The following NEBL variants were observed in gnomAD, a reference collection of about 807,000 sequenced individuals.
NEBL encodes the protein LIM and SH3 protein 2.
Under a neutral mutation model 140.2 loss-of-function variants are expected in NEBL, and 122 were observed. The observed-to-expected ratio is 0.87, with a 90% CI of 0.75 to 1.01. The LOEUF (loss-of-function observed/expected upper bound fraction) is 1.01. Ranked by LOEUF, NEBL falls within the 50% of genes least tolerant of loss-of-function variation. The pLI is 0.00. For synonymous variants in NEBL, 436 were observed against 398.9 expected (o/e 1.09, Z -1.11); for missense variants, 1,365 against 1,231.3 (o/e 1.11, Z -1.62).
At chr10:20,857,241 A>G (rs567696567) in intron 9 of NEBL, among the ~76,000 whole-genome samples, 6 of 152,254 alleles carry the variant, frequency 3.9e-5, no homozygotes, top group Non-Finnish European at 8.8e-5. Context: ...ATAAACATAC[A>G]TTTCAAAACA....
At chr10:20,873,334 A>G (rs559838020) in intron 5 of NEBL, among the ~76,000 whole-genome samples, 1 of 152,250 alleles carries the variant, frequency 6.6e-6, no homozygotes, top group Non-Finnish European at 1.5e-5. Flanking sequence ...TGTTTTGCAT[A>G]AGGACAGGGA....
intron 3 of NEBL, among the ~76,000 whole-genome samples, chr10:21,229,504 T>G (rs1452574086): frequency 6.6e-6 from 1 of 152,220 alleles, no homozygotes; most frequent in Non-Finnish European, 1.5e-5. Flanking sequence ...AATTAGTCAT[T>G]TCTCTGAATC....
chr10:21,266,258 T>C (rs150489142), intron 1 of NEBL, among the ~76,000 whole-genome samples: 4,117 of 152,052 alleles, frequency 0.027, 63 homozygotes, highest in Middle Eastern at 0.065. Context: ...TCTCCCACCT[T>C]AGCCTCCCGA....
chr10:21,165,981 G>A (rs1384986114), intron 2 of NEBL, among the ~76,000 whole-genome samples: 1 of 151,902 alleles, frequency 6.6e-6, no homozygotes, highest in Non-Finnish European at 1.5e-5. Context: ...TTTCTATTGG[G>A]AGGCCGATGT....
intron 2 of NEBL, among the ~76,000 whole-genome samples, chr10:21,169,922 A>G (rs1007680292): frequency 2.6e-5 from 4 of 152,220 alleles, no homozygotes; most frequent in African/African-American, 9.7e-5. Flanking sequence ...CCTATGAAAC[A>G]AAACAACGGG....
chr10:21,054,984 C>T (rs773307869), intron 2 of NEBL, among the ~76,000 whole-genome samples: 2 of 152,126 alleles, frequency 1.3e-5, no homozygotes, highest in Non-Finnish European at 2.9e-5. Context: ...TACTTCTGGG[C>T]AGAACTGATG....
chr10:20,944,878 C>A (rs1835079726), intron 4 of NEBL, among the ~76,000 whole-genome samples: 1 of 152,084 alleles, frequency 6.6e-6, no homozygotes, highest in Non-Finnish European at 1.5e-5. Flanking sequence ...CATAATCATA[C>A]CCGGCTCAAC....
chr10:21,063,607 G>C (rs556118336), intron 2 of NEBL, among the ~76,000 whole-genome samples: 1 of 152,254 alleles, frequency 6.6e-6, no homozygotes, highest in South Asian at 2.1e-4. Context: ...AAGATCTCTG[G>C]AGTTGGCTGG....
chr10:20,962,603 A>G (rs1171267337), intron 3 of NEBL, among the ~76,000 whole-genome samples: 1 of 152,220 alleles, frequency 6.6e-6, no homozygotes, highest in Admixed American at 6.5e-5. Flanking sequence ...ATCTCCTGTT[A>G]TTAGCATAAT....
intron 4 of NEBL, among the ~76,000 whole-genome samples, chr10:20,936,341 G>T (rs899931518): frequency 4.6e-5 from 7 of 152,206 alleles, no homozygotes; most frequent in African/African-American, 1.7e-4. Flanking sequence ...AAAAAAAGAT[G>T]TGGGCATCAG....
At chr10:21,004,718 CA>C (rs201763188) in intron 3 of NEBL, among the ~76,000 whole-genome samples, 29 of 143,256 alleles carry the variant, frequency 2.0e-4, no homozygotes, top group Non-Finnish European at 2.3e-4. Context: ...AGACTCATCT[CA>C]AAAAAAAAAA....
chr10:21,052,653 A>T (rs535052134), intron 2 of NEBL, among the ~76,000 whole-genome samples: 2 of 152,230 alleles, frequency 1.3e-5, no homozygotes, highest in Non-Finnish European at 2.9e-5. Context: ...AAATGGCATG[A>T]TCTTGAAAGA....
At chr10:21,035,151 C>G (rs1833963482) in intron 2 of NEBL, among the ~76,000 whole-genome samples, 1 of 151,868 alleles carries the variant, frequency 6.6e-6, no homozygotes, top group South Asian at 2.1e-4. Context: ...GCGCCTGCCA[C>G]CACGCCTGGC....
intron 2 of NEBL, chr10:21,125,797 G>A: frequency 6.6e-7 from 1 of 1,507,660 alleles, no homozygotes; most frequent in Non-Finnish European, 9.2e-7. Flanking sequence ...TATATGGTAT[G>A]GTATAAGACA....
chr10:20,863,480 T>C (rs1178168855), intron 7 of NEBL, among the ~76,000 whole-genome samples: 1 of 152,132 alleles, frequency 6.6e-6, no homozygotes, highest in Admixed American at 6.6e-5. Context: ...TTGGATGAAA[T>C]CAAACTAAAA....
chr10:21,173,107 C>G lies in NEBL; in HGVS notation c.70-630G>C, dbSNP rs1841154205. Among the ~76,000 whole-genome samples, 1 of 152,158 alleles carries G rather than the reference C, an allele frequency of 6.6e-6. No individual in the cohort carries two copies. The highest frequency in any genetic ancestry group is 2.1e-4 in the South Asian group (1 of 4,828). Reference sequence around the variant, plus strand: ...CGGATCGCTCCTGGGTGTCTCTCTCCCGGGCTGTTCATCTCCGTCCCTGCC... The same window carrying G: ...CGGATCGCTCCTGGGTGTCTCTCTCGCGGGCTGTTCATCTCCGTCCCTGCC... On this transcript the variant is annotated intron_variant, in intron 1 of 6. Transcript: ENST00000417816. This position sits in a 1 kb window ranked among gnomAD's most constrained non-coding sequence, Gnocchi z 5.7.
At chr10:21,105,303 C>T (rs572367238) in intron 2 of NEBL, among the ~76,000 whole-genome samples, 9 of 152,246 alleles carry the variant, frequency 5.9e-5, no homozygotes, top group African/African-American at 1.7e-4. Flanking sequence ...TCGTCATTTA[C>T]ATTAGGTATT....
At chr10:20,811,737 C>T (rs1324148353) in intron 24 of NEBL, among the ~76,000 whole-genome samples, 1 of 152,196 alleles carries the variant, frequency 6.6e-6, no homozygotes. Context: ...TAAGCTCCTA[C>T]TTTTGAAGAT....
At chr10:20,931,885 G>C (rs1214613119) in intron 4 of NEBL, among the ~76,000 whole-genome samples, 2 of 152,154 alleles carry the variant, frequency 1.3e-5, no homozygotes, top group Non-Finnish European at 2.9e-5. Context: ...AGTAAGGAAA[G>C]AAATAATAAA....
Sources: allele counts gnomAD v4.1 joint callset (sites outside exome capture counted in the v4.1 genomes callset), GRCh38; gene constraint gnomAD v4.1.1; non-coding constraint Gnocchi (gnomAD v3.1); transcripts MANE v1.5; gene names NCBI Gene and HGNC (gene_info 2026-07-23, HGNC 2026-07-21).